Variants in CYB561D1 observed in about 807,000 individuals in gnomAD.
CYB561D1 encodes the protein cytochrome b561 family member D1.
Under a neutral mutation model 19.2 loss-of-function variants are expected in CYB561D1, and 15 were observed. The ratio of observed to expected loss-of-function variants is 0.78; its 90% CI spans 0.52 to 1.20. The LOEUF (loss-of-function observed/expected upper bound fraction) is 1.20. CYB561D1 is among the 50% of genes most tolerant of loss of function. The probability of loss-of-function intolerance (pLI) is 0.00; values close to 1 mark genes in which losing one functional copy is unlikely to be tolerated. For synonymous variants in CYB561D1, 133 were observed against 120.6 expected (o/e 1.10, Z -0.68); for missense variants, 297 against 287.3 (o/e 1.03, Z -0.24).
rs1657724194 is a variant in CYB561D1 at position 109,498,831 on chromosome 1, T to G, written c.*2572T>G. On this transcript the variant is annotated 3_prime_UTR_variant, in exon 3 of 3. Transcript: ENST00000420578. ...CTCCCTGGCTAGGGAAAGCTGCTAG[T>G]GGTCAGCCTGTTTTGCCTTTTTTTA... 2 of 144,610 alleles carry G rather than the reference T, an allele frequency of 1.4e-5. No homozygotes were observed. The highest frequency in any genetic ancestry group is 6.9e-5 in the Admixed American group (1 of 14,566). The allele number at this position is 144,610 out of a possible 1,614,324, so 9.0% of individuals were successfully genotyped here. A position where few individuals can be genotyped will look rare whatever the true frequency, so the allele number is the denominator to read the frequency against.
At position 109,494,297 on chromosome 1, in the gene CYB561D1, C is replaced by CG. The variant is rs1557878111; in HGVS notation, c.148+14dup. ...TCCCGGCCAGGAACCAGTGAGTGTG[C>CG]GGGGCGGGGTTGCGGAAGGGGGCGG... On this transcript the variant is annotated intron_variant, in intron 1 of 2. Transcript: ENST00000420578. 2 of 1,574,754 alleles carry CG rather than the reference C, an allele frequency of 1.3e-6. No homozygotes were observed. The highest frequency in any genetic ancestry group is 1.7e-6 in the Non-Finnish European group (2 of 1,158,828).
Position 109,497,139 on chromosome 1 carries a change from G to C in CYB561D1, c.*880G>C, listed in dbSNP as rs1168518009. 6.5e-6 allele frequency: 1 copy of C among 152,682 alleles called. No homozygotes were observed. Among genetic ancestry groups the C allele is most frequent in the African/African-American group, 2.4e-5 (1 of 41,470 alleles). The allele number at this position is 152,682 out of a possible 1,614,324, so 9.5% of individuals were successfully genotyped here. On this transcript the variant is annotated 3_prime_UTR_variant, in exon 3 of 3. Transcript: ENST00000420578. The stretch of plus-strand genomic sequence containing the variant: ...TAAGATCTTCCTTCAGCCCACCTCA[G>C]GATCCGGGCTTGAGGGCTGCAGGGC...
Position 109,494,626 on chromosome 1 carries a change from C to G in CYB561D1, c.148+339C>G, listed in dbSNP as rs560452954. The G allele has an allele frequency of 1.5e-5, 20 of 1,294,284 alleles. No homozygotes were observed. The African/African-American group carries it at 2.9e-4, about 19-fold the overall frequency. The allele number at this position is 1,294,284 out of a possible 1,614,324, so 80.2% of individuals were successfully genotyped here. A position where few individuals can be genotyped will look rare whatever the true frequency, so the allele number is the denominator to read the frequency against. ...CCGACGCGGGTGGATCACTTGAGGTCAGGAGTTCGAGACCAGCCTGGCCAA... is the reference window on the plus strand; with the variant it reads ...CCGACGCGGGTGGATCACTTGAGGTGAGGAGTTCGAGACCAGCCTGGCCAA... On this transcript the variant is annotated intron_variant, in intron 1 of 2. Transcript: ENST00000420578.
intron 1 of CYB561D1, chr1:109,494,556 G>A (rs1368621789): frequency 6.9e-7 from 1 of 1,459,596 alleles, no homozygotes; most frequent in East Asian, 3.1e-5. Flanking sequence ...AGTGAAGGAG[G>A]CCGGGCGCGG....
At position 109,500,189 on chromosome 1, in the gene CYB561D1, G is replaced by A. The variant is rs1657819622; in HGVS notation, c.*3930G>A. 6.6e-6 allele frequency: 1 copy of A among 152,264 alleles called. No homozygotes were observed. The highest frequency in any genetic ancestry group is 2.1e-4 in the South Asian group (1 of 4,838). The allele number at this position is 152,264 out of a possible 1,614,324, so 9.4% of individuals were successfully genotyped here. On this transcript the variant is annotated 3_prime_UTR_variant, in exon 3 of 3. Transcript: ENST00000420578. Reference sequence around the variant, plus strand: ...TCAGAGAGCAGGGAGGCTTCTGGTAGTGCTCTTGATGCTCCTGTGTCTGGT... The same window carrying A: ...TCAGAGAGCAGGGAGGCTTCTGGTAATGCTCTTGATGCTCCTGTGTCTGGT...
chr1:109,495,271 A>G, intron 2 of CYB561D1, 91 bp downstream of exon 2: 2 of 1,457,330 alleles, frequency 1.4e-6, no homozygotes, highest in Non-Finnish European at 1.9e-6. Context: ...CAGCCTTTCT[A>G]AGGCTAAGAC....
chr1:109,496,083 G>A lies in CYB561D1; in HGVS notation c.514G>A (p.Val172Met), dbSNP rs1235668760. 1.9e-6 allele frequency: 3 copies of A among 1,614,046 alleles called. No homozygotes were observed. Among genetic ancestry groups the A allele is most frequent in the Admixed American group, 1.7e-5 (1 of 59,994 alleles). ...LKLYHLTCGL[V>M]VYLMATVTVL... is the part of the protein sequence containing the mutation. ...GCTCTACCATCTGACATGTGGACTGGTGGTCTACCTGATGGCTACAGTAAC... is the reference window on the plus strand; with the variant it reads ...GCTCTACCATCTGACATGTGGACTGATGGTCTACCTGATGGCTACAGTAAC... The change falls in exon 3 of 3, where the codon GTG becomes ATG. Residue 172 changes from valine (V) to methionine (M), a missense_variant. Physicochemically the swap from Val to Met is conservative, Grantham distance 21. Coordinates refer to ENST00000420578, the MANE Select transcript of CYB561D1 (RefSeq NM_182580.3).
chr1:109,495,397 G>A (rs12402346), intron 2 of CYB561D1, among the ~76,000 whole-genome samples: 1,902 of 152,332 alleles, frequency 0.012, 36 homozygotes, highest in Admixed American at 0.063. Context: ...GGGCATGGAA[G>A]ATAATTTCTT....
At chr1:109,494,310 C>T (rs375160093) in intron 1 of CYB561D1, 23 bp downstream of exon 1, 234 of 1,556,156 alleles carry the variant, frequency 1.5e-4, no homozygotes, top group Non-Finnish European at 2.0e-4. Context: ...GGCGGGGTTG[C>T]GGAAGGGGGC....
intron 1 of CYB561D1, among the ~76,000 whole-genome samples, chr1:109,494,863 A>C (rs1004516481): frequency 9.5e-4 from 121 of 127,886 alleles, no homozygotes; most frequent in African/African-American, 4.5e-3. Context: ...ACAACAACCA[A>C]AAAAAACAAA....
In CYB561D1 at chr1:109,495,813, T is replaced by A; in HGVS notation, c.244T>A (p.Phe82Ile). Residue 82 changes from phenylalanine (F) to isoleucine (I), a missense_variant, in exon 3 of 3, where the codon TTC (phenylalanine) becomes ATC (isoleucine). Coordinates refer to ENST00000420578, the MANE Select transcript of CYB561D1 (RefSeq NM_182580.3). ...LLFSPEHSLF[F>I]FCSRKARIRL... is the part of the protein sequence containing the mutation. ...CTTCTCACCTGAACACTCCCTGTTC[T>A]TCTTCTGCTCCCGAAAAGCACGGAT... The A allele has an allele frequency of 6.2e-7, 1 of 1,614,072 alleles. No individual in the cohort carries two copies. The highest frequency in any genetic ancestry group is 8.5e-7 in the Non-Finnish European group (1 of 1,180,040).
intron 2 of CYB561D1, among the ~76,000 whole-genome samples, chr1:109,495,509 C>G (rs928300471): frequency 6.6e-6 from 1 of 152,208 alleles, no homozygotes; most frequent in African/African-American, 2.4e-5. Flanking sequence ...TGCTACTCCA[C>G]TGGTCAAGAA....
At position 109,494,845 on chromosome 1, in the gene CYB561D1, A is replaced by C. The variant is rs186120824; in HGVS notation, c.149-298A>C. Among the ~76,000 whole-genome samples the C allele has an allele frequency of 2.7e-4, 39 of 145,928 alleles. No individual in the cohort carries two copies. The East Asian group carries it at 7.2e-3, about 27-fold the overall frequency. On this transcript the variant is annotated intron_variant, in intron 1 of 2. Coordinates refer to ENST00000420578, the MANE Select transcript of CYB561D1 (RefSeq NM_182580.3). ...GAGCGAGACTCCGTATCAAAAAAAA[A>C]ACAAAAAACAACAACCAAAAAAAAC... is the stretch of plus-strand genomic sequence containing the variant.
At chr1:109,494,476 TG>T in intron 1 of CYB561D1, 189 bp downstream of exon 1, 1 of 1,547,066 alleles carries the variant, frequency 6.5e-7, no homozygotes. Context: ...TTGGGTGCTG[TG>T]GGGGAAGGGC....
rs1657678494 is a variant in CYB561D1 at position 109,498,164 on chromosome 1, G to C, written c.*1905G>C. ...TAGGAGGGCCAGGCAAAGTTCACCA[G>C]CTTGCTCTAAGAGCAAGCAGGCAAT... On this transcript the variant is annotated 3_prime_UTR_variant, in exon 3 of 3. Transcript: ENST00000420578. The C allele has an allele frequency of 6.6e-6, 1 of 152,094 alleles. No homozygotes were observed. The highest frequency in any genetic ancestry group is 2.1e-4 in the South Asian group (1 of 4,830). 9.4% of individuals were successfully genotyped at this position (152,094 alleles called of 1,614,324 possible).
rs1657572801 is a variant in CYB561D1 at position 109,496,460 on chromosome 1, GGT to G, written c.*203_*204del. On this transcript the variant is annotated 3_prime_UTR_variant, in exon 3 of 3. Coordinates refer to ENST00000420578, the MANE Select transcript of CYB561D1 (RefSeq NM_182580.3). The stretch of plus-strand genomic sequence containing the variant: ...GGAGATGTACTGGGTATGAGTGGAA[GGT>G]GATGGAGAGCCTGATCCTGAAGCCT... The G allele has an allele frequency of 4.0e-6, 2 of 505,468 alleles. No homozygotes were observed. The highest frequency in any genetic ancestry group is 6.6e-6 in the Non-Finnish European group (2 of 301,326). 31.3% of individuals were successfully genotyped at this position (505,468 alleles called of 1,614,324 possible).
In CYB561D1 at chr1:109,496,182, C is replaced by T. The variant is rs1461764886; in HGVS notation, c.613C>T (p.Leu205=). Reference sequence around the variant, plus strand: ...TGCGGCCTGGTACCTGTGCCTGGCACTGCCCGTCTATCCAGCCCTGGTGAT... The same window carrying T: ...TGCGGCCTGGTACCTGTGCCTGGCATTGCCCGTCTATCCAGCCCTGGTGAT... ...KGAAWYLCLA[L]PVYPALVIMH... is the part of the protein sequence containing the mutation. Residue 205 remains leucine (L), a synonymous_variant, in exon 3 of 3, where the codon CTG becomes TTG. Coordinates refer to ENST00000420578, the MANE Select transcript of CYB561D1 (RefSeq NM_182580.3). The T allele has an allele frequency of 1.9e-6, 3 of 1,610,280 alleles. No homozygotes were observed. Among genetic ancestry groups the T allele is most frequent in the Non-Finnish European group, 2.5e-6 (3 of 1,176,804 alleles).
chr1:109,494,799 T>C (rs1468663656), intron 1 of CYB561D1, among the ~76,000 whole-genome samples: 1 of 150,746 alleles, frequency 6.6e-6, no homozygotes, highest in Non-Finnish European at 1.5e-5. Context: ...ATTGCACCAC[T>C]GCACTCCACC....
At chr1:109,495,217 C>G in intron 2 of CYB561D1, 37 bp downstream of exon 2, 1 of 1,609,806 alleles carries the variant, frequency 6.2e-7, no homozygotes, top group Non-Finnish European at 8.5e-7. Context: ...TTTGGGTATT[C>G]CTCACCTCAT....
Sources: allele counts gnomAD v4.1 joint callset (sites outside exome capture counted in the v4.1 genomes callset), GRCh38; gene constraint gnomAD v4.1.1; transcripts MANE v1.5; gene names NCBI Gene and HGNC (gene_info 2026-07-23, HGNC 2026-07-21).